The following PRKCE variants were observed in gnomAD, a reference collection of about 807,000 sequenced individuals.
PRKCE encodes protein kinase C epsilon type.
In PRKCE, 16 loss-of-function variants were observed where a neutral mutation model predicts 85.4. The observed-to-expected ratio is 0.19, with a 90% CI of 0.13 to 0.28. PRKCE has a LOEUF of 0.28. Among genes scored for constraint, PRKCE ranks in the 10% least tolerant of loss-of-function variants. PRKCE has a pLI of 1.00. For synonymous variants in PRKCE, 388 were observed against 371.5 expected (o/e 1.04, Z -0.51); for missense variants, 573 against 975.2 (o/e 0.59, Z 5.49).
chr2:46,086,994 A>C (rs1178179531), intron 11 of PRKCE, among the ~76,000 whole-genome samples: 2 of 152,208 alleles, frequency 1.3e-5, no homozygotes, highest in Non-Finnish European at 2.9e-5. Flanking sequence ...TGAAGAGAAC[A>C]AAACTACAAA....
intron 10 of PRKCE, among the ~76,000 whole-genome samples, chr2:46,047,027 T>C (rs1408476091): frequency 6.6e-6 from 1 of 152,158 alleles, no homozygotes; most frequent in African/African-American, 2.4e-5. Context: ...CTCTGTCCCT[T>C]CTCCTGAAGT....
At chr2:45,671,643 G>T (rs547512234) in intron 1 of PRKCE, among the ~76,000 whole-genome samples, 156 of 152,194 alleles carry the variant, frequency 1.0e-3, no homozygotes, top group Middle Eastern at 3.4e-3. Context: ...TAGGGGAAAG[G>T]TTCGTAGACC....
At chr2:45,761,352 C>CT (rs1684483298) in intron 1 of PRKCE, among the ~76,000 whole-genome samples, 1 of 119,504 alleles carries the variant, frequency 8.4e-6, no homozygotes, top group Non-Finnish European at 1.8e-5. Flanking sequence ...AAAAAAAAAT[C>CT]TAAGTACAGA....
chr2:46,083,115 C>T (rs1382416729), intron 10 of PRKCE, among the ~76,000 whole-genome samples: 1 of 152,170 alleles, frequency 6.6e-6, no homozygotes, highest in Non-Finnish European at 1.5e-5. Context: ...CCATGCCCAG[C>T]TAATTTTGTA....
intron 10 of PRKCE, among the ~76,000 whole-genome samples, chr2:46,079,301 A>G (rs531726621): frequency 3.8e-4 from 58 of 152,322 alleles, no homozygotes; most frequent in African/African-American, 1.4e-3. Flanking sequence ...TACAATCCAG[A>G]TGCATAGACT....
chr2:45,762,342 C>G (rs988838759), intron 1 of PRKCE, among the ~76,000 whole-genome samples: 2 of 152,176 alleles, frequency 1.3e-5, no homozygotes, highest in Non-Finnish European at 2.9e-5. Flanking sequence ...CTGAGTAATA[C>G]TCAAATTTAT....
intron 2 of PRKCE, among the ~76,000 whole-genome samples, chr2:45,952,573 C>G (rs1039355989): frequency 2.6e-5 from 4 of 152,120 alleles, no homozygotes; most frequent in African/African-American, 9.7e-5. Context: ...GTTGAAATTG[C>G]TATGTTAAAA....
At chr2:45,698,590 A>G (rs1678349929) in intron 1 of PRKCE, among the ~76,000 whole-genome samples, 1 of 151,766 alleles carries the variant, frequency 6.6e-6, no homozygotes, top group African/African-American at 2.4e-5. Context: ...ATATGAAGGA[A>G]GAGAGAAAGG....
At chr2:45,696,621 G>A (rs1454387363) in intron 1 of PRKCE, among the ~76,000 whole-genome samples, 1 of 152,138 alleles carries the variant, frequency 6.6e-6, no homozygotes, top group Non-Finnish European at 1.5e-5. Flanking sequence ...AGGCTTTTCT[G>A]AATAAGCAAA....
chr2:46,037,003 C>T (rs1032763470), intron 10 of PRKCE, among the ~76,000 whole-genome samples: 77 of 152,360 alleles, frequency 5.1e-4, no homozygotes, highest in Admixed American at 1.3e-3. Flanking sequence ...AAGCTCCCAG[C>T]AGCTGCCAGG....
chr2:45,893,585 C>A (rs1318401289), intron 2 of PRKCE, among the ~76,000 whole-genome samples: 1 of 151,936 alleles, frequency 6.6e-6, no homozygotes, highest in Non-Finnish European at 1.5e-5. Context: ...CCAGGCTGGT[C>A]TCCTGACCTC....
chr2:46,035,515 G>T (rs1707802026), intron 10 of PRKCE, among the ~76,000 whole-genome samples: 2 of 152,160 alleles, frequency 1.3e-5, no homozygotes, highest in African/African-American at 4.8e-5. Flanking sequence ...CTTTAGTCCA[G>T]GGGGTGCCCT....
chr2:46,177,075 C>T (rs1679498250), intron 14 of PRKCE, among the ~76,000 whole-genome samples: 1 of 151,844 alleles, frequency 6.6e-6, no homozygotes, highest in Non-Finnish European at 1.5e-5. Flanking sequence ...GAAATATGTC[C>T]CAAAATAAGA....
At position 46,001,442 on chromosome 2, in the gene PRKCE, G is replaced by A. The variant is rs2104728625; in HGVS notation, c.862G>A (p.Val288Met). 1.3e-6 allele frequency: 2 copies of A among 1,599,362 alleles called. No individual in the cohort carries two copies. The highest frequency in any genetic ancestry group is 8.5e-7 in the Non-Finnish European group (1 of 1,179,734). Reference sequence around the variant, plus strand: ...TGTTCACCGTCGATGTGAGACCAACGTGGCTCCCAACTGTGGAGTGGATGC... The same window carrying A: ...TGTTCACCGTCGATGTGAGACCAACATGGCTCCCAACTGTGGAGTGGATGC... ...MNVHRRCETNVAPNCGVDARG... is the reference protein window; with the variant it reads ...MNVHRRCETNMAPNCGVDARG... The change falls in exon 7 of 15, where the codon GTG becomes ATG. Residue 288 changes from valine (V) to methionine (M), a missense_variant. Around this residue, in one of 11 missense-constraint regions of PRKCE, gnomAD observed 55 missense variants for 128.1 expected, o/e 0.43. Transcript: ENST00000306156. This position sits in a 1 kb window ranked among gnomAD's most constrained non-coding sequence, Gnocchi z 4.4.
chr2:46,085,743 TTTTTTG>T (rs1187003666), intron 10 of PRKCE, among the ~76,000 whole-genome samples: 2 of 26,098 alleles, frequency 7.7e-5, no homozygotes, highest in Non-Finnish European at 2.1e-4. Flanking sequence ...TCCGTTTTTT[TTTTTTG>T]TTTTTGTTTT....
At chr2:45,723,650 G>C (rs1680810915) in intron 1 of PRKCE, among the ~76,000 whole-genome samples, 1 of 152,110 alleles carries the variant, frequency 6.6e-6, no homozygotes, top group Admixed American at 6.5e-5. Context: ...TTTTGCCCAG[G>C]CTGGAGTGCA....
chr2:45,861,070 C>T (rs767268259), intron 2 of PRKCE, among the ~76,000 whole-genome samples: 19 of 152,246 alleles, frequency 1.2e-4, no homozygotes, highest in Non-Finnish European at 1.9e-4. Context: ...GGGAGAGCAA[C>T]GAGAATTTGG....
chr2:45,681,992 T>C (rs1676943741), intron 1 of PRKCE, among the ~76,000 whole-genome samples: 1 of 152,226 alleles, frequency 6.6e-6, no homozygotes, highest in Non-Finnish European at 1.5e-5. Flanking sequence ...GCCATTCAAA[T>C]TCTTCACCAG....
intron 10 of PRKCE, among the ~76,000 whole-genome samples, chr2:46,072,856 T>A (rs892251222): frequency 6.6e-6 from 1 of 152,202 alleles, no homozygotes; most frequent in Non-Finnish European, 1.5e-5. Context: ...GACTCTTTAG[T>A]TAGATTTACC....
Sources: allele counts gnomAD v4.1 joint callset (sites outside exome capture counted in the v4.1 genomes callset), GRCh38; gene constraint gnomAD v4.1.1; regional missense constraint gnomAD v4.1.1; non-coding constraint Gnocchi (gnomAD v3.1); transcripts MANE v1.5; gene names NCBI Gene and HGNC (gene_info 2026-07-23, HGNC 2026-07-21).